The following MYOF variants were observed in gnomAD, a reference collection of about 807,000 sequenced individuals.
MYOF encodes the protein fer-1-like 3, myoferlin.
Under a neutral mutation model 284.2 loss-of-function variants are expected in MYOF, and 244 were observed. That is an observed-to-expected ratio of 0.86 (90% CI 0.77 to 0.95). The LOEUF (loss-of-function observed/expected upper bound fraction) is 0.95, where lower values mean the gene tolerates loss of function less well. MYOF is among the 40% of genes least tolerant of loss of function. MYOF has a pLI of 0.00. For synonymous variants in MYOF, 904 were observed against 919.7 expected, an observed-to-expected ratio of 0.98 and a Z score of 0.31; for missense variants, 2,496 against 2,560.6, an observed-to-expected ratio of 0.97 and a Z score of 0.54.
At chr10:93,310,301 CTG>C in intron 52 of MYOF, 134 bp from the exon 53 acceptor site, 1 of 1,197,040 alleles carries the variant, frequency 8.4e-7, no homozygotes, top group East Asian at 2.4e-5. Context: ...CCTTCGTTGA[CTG>C]AGAAAGGCTC....
chr10:93,362,131 G>A (rs1466832469), intron 27 of MYOF, among the ~76,000 whole-genome samples: 2 of 152,074 alleles, frequency 1.3e-5, no homozygotes, highest in African/African-American at 4.8e-5. Flanking sequence ...TGTATTTTTA[G>A]TAGAGACAGG....
chr10:93,402,732 A>T (rs1847358130), intron 10 of MYOF, 128 bp downstream of exon 10: 2 of 809,960 alleles, frequency 2.5e-6, no homozygotes, highest in Admixed American at 2.8e-5. Context: ...TTAAGAAAAT[A>T]TTTTTTAAAA....
chr10:93,387,546 G>T (rs1427021996), intron 19 of MYOF, among the ~76,000 whole-genome samples: 1 of 152,160 alleles, frequency 6.6e-6, no homozygotes, highest in African/African-American at 2.4e-5. Context: ...GGCTGTTATG[G>T]CCACTTCCCC....
chr10:93,409,778 T>C, intron 5 of MYOF, 39 bp from the exon 6 acceptor site: 2 of 1,604,268 alleles, frequency 1.2e-6, no homozygotes, highest in East Asian at 2.2e-5. Flanking sequence ...GGATAGCCCT[T>C]ATCCTGTAAA....
intron 4 of MYOF, among the ~76,000 whole-genome samples, chr10:93,430,825 A>G (rs1476696428): frequency 6.6e-6 from 1 of 152,126 alleles, no homozygotes; most frequent in East Asian, 1.9e-4. Flanking sequence ...GATTGAAAGT[A>G]TAAAATAAGG....
At chr10:93,335,894 A>C (rs1188487166) in intron 41 of MYOF, 27 bp downstream of exon 41, 1 of 1,607,204 alleles carries the variant, frequency 6.2e-7, no homozygotes, top group Admixed American at 1.7e-5. Context: ...GTGGATTTTA[A>C]ACGGGACCAA....
At chr10:93,436,448 G>C (rs138877451) in intron 3 of MYOF, among the ~76,000 whole-genome samples, 10 of 151,706 alleles carry the variant, frequency 6.6e-5, no homozygotes, top group African/African-American at 1.9e-4. Context: ...GCTTTTGTAG[G>C]GGGGACACAT....
intron 1 of MYOF, among the ~76,000 whole-genome samples, chr10:93,469,942 G>A (rs1041009239): frequency 6.6e-6 from 1 of 152,090 alleles, no homozygotes; most frequent in Admixed American, 6.6e-5. Context: ...GAAAATAAAG[G>A]AGTAGGCCGG....
intron 38 of MYOF, chr10:93,340,392 A>G (rs1843842510): frequency 1.8e-6 from 1 of 543,640 alleles, no homozygotes; most frequent in Non-Finnish European, 3.3e-6. Context: ...AATATGCAAA[A>G]GGTTACACAC....
intron 25 of MYOF, among the ~76,000 whole-genome samples, chr10:93,367,365 GAGA>G (rs1845375209): frequency 6.6e-6 from 1 of 152,210 alleles, no homozygotes; most frequent in Admixed American, 6.5e-5. Context: ...TGAATCCACT[GAGA>G]AGATGATTTG....
chr10:93,410,667 T>C (rs571609140), intron 5 of MYOF, among the ~76,000 whole-genome samples: 1 of 152,238 alleles, frequency 6.6e-6, no homozygotes, highest in African/African-American at 2.4e-5. Context: ...CTTTAGCTTT[T>C]CTTTTCTTAA....
chr10:93,310,476 AG>A, intron 52 of MYOF, 57 bp downstream of exon 52: 1 of 1,526,946 alleles, frequency 6.5e-7, no homozygotes, highest in Non-Finnish European at 9.1e-7. Flanking sequence ...GCCAATGGGA[AG>A]GGGGGCTCTC....
chr10:93,399,625 G>A (rs970438645), intron 12 of MYOF, 130 bp from the exon 13 acceptor site: 1 of 629,904 alleles, frequency 1.6e-6, no homozygotes, highest in Non-Finnish European at 2.7e-6. Context: ...TGTAATCCCA[G>A]GACTTTGAGA....
At chr10:93,312,274 A>G (rs1193790330) in intron 51 of MYOF, among the ~76,000 whole-genome samples, 2 of 152,178 alleles carry the variant, frequency 1.3e-5, no homozygotes, top group South Asian at 2.1e-4. Context: ...GAGTTCCTCA[A>G]CTTGCTTGTA....
Position 93,361,218 on chromosome 10 carries a change from C to T in MYOF, c.2974+234G>A, listed in dbSNP as rs567406868. Among the ~76,000 whole-genome samples, 51 of 152,286 alleles carry T rather than the reference C, an allele frequency of 3.3e-4. 1 individual carries two copies. Among genetic ancestry groups the T allele is most frequent in the African/African-American group, 9.4e-4 (39 of 41,546 alleles). ...CTCTTAGGAGAATCTAATGCTGCCA[C>T]GGATCTGACAGGAGGCAGAGCTCAG... is the stretch of plus-strand genomic sequence containing the variant. On this transcript the variant is annotated intron_variant, in intron 28 of 53. Transcript: ENST00000359263.
chr10:93,400,073 G>GA (rs766499476), intron 12 of MYOF, among the ~76,000 whole-genome samples: 12 of 151,700 alleles, frequency 7.9e-5, no homozygotes, highest in Non-Finnish European at 1.5e-4. Flanking sequence ...TTTTATGGAG[G>GA]AAAAAAAATA....
chr10:93,451,919 G>A (rs770254041), intron 3 of MYOF, 131 bp downstream of exon 3: 21 of 720,256 alleles, frequency 2.9e-5, no homozygotes, highest in South Asian at 5.3e-5. Context: ...AGAAGGGAGC[G>A]GGGCATGGAA....
chr10:93,476,832 A>G (rs1306877036), intron 1 of MYOF, among the ~76,000 whole-genome samples: 4 of 152,236 alleles, frequency 2.6e-5, no homozygotes, highest in Admixed American at 1.3e-4. Context: ...AAGTAAAATG[A>G]CAGGAATCTG....
rs1271534297 is a variant in MYOF, at chr10:93,329,550, A to G, written c.4982+114T>C. 5.5e-6 allele frequency: 6 copies of G among 1,089,842 alleles called. No homozygotes were observed. The East Asian group carries it at 1.2e-4, about 22-fold the overall frequency. The allele number at this position is 1,089,842 out of a possible 1,614,324, so 67.5% of individuals were successfully genotyped here. A position where few individuals can be genotyped will look rare whatever the true frequency, so the allele number is the denominator to read the frequency against. On this transcript the variant is annotated intron_variant, in intron 44 of 53. Coordinates refer to ENST00000359263, the MANE Select transcript of MYOF (RefSeq NM_013451.4). Reference sequence around the variant, plus strand: ...ATCCTGCGATTGAAATCCATACCTGAGTGATAGGAGCAGTGGCTCAGTGAA... The same window carrying G: ...ATCCTGCGATTGAAATCCATACCTGGGTGATAGGAGCAGTGGCTCAGTGAA...
Sources: gnomAD v4.1 joint callset for allele counts (sites outside exome capture counted in the v4.1 genomes callset) on GRCh38, gnomAD v4.1.1 for gene constraint, MANE v1.5 for transcripts, NCBI Gene and HGNC (gene_info 2026-07-23, HGNC 2026-07-21) for gene names.